The following SYNJ1 variants were observed in gnomAD, a reference collection of about 807,000 sequenced individuals.
SYNJ1 encodes polyphosphatidylinositol phosphatase SYNJ1.
Under a neutral mutation model 168.2 loss-of-function variants are expected in SYNJ1, and 78 were observed. The ratio of observed to expected loss-of-function variants is 0.46; its 90% CI spans 0.39 to 0.56. The LOEUF is 0.56. Ranked by LOEUF, SYNJ1 falls within the 20% of genes least tolerant of loss-of-function variation. The pLI, the probability that SYNJ1 is intolerant of heterozygous loss-of-function variation, is 0.00. For missense variants in SYNJ1, 1,303 were observed against 1,597.6 expected, an observed-to-expected ratio of 0.82 and a Z score of 3.14; for synonymous variants, 539 against 548.6, an observed-to-expected ratio of 0.98 and a Z score of 0.24.
At chr21:32,700,215 T>C in intron 3 of SYNJ1, 110 bp from the exon 4 acceptor site, 1 of 1,259,402 alleles carries the variant, frequency 7.9e-7, no homozygotes, top group African/African-American at 1.5e-5. Context: ...ATTTTAAACT[T>C]ATCATGGATG....
rs370222526 is a variant in SYNJ1, at chr21:32,631,222, C to G, written c.*583G>C. The G allele has an allele frequency of 6.2e-7, 1 of 1,614,230 alleles. No individual in the cohort carries two copies. The highest frequency in any genetic ancestry group is 8.5e-7 in the Non-Finnish European group (1 of 1,180,050). ...TGATTACCCAGTAAGTCTGAACAAG[C>G]TGACTTTGACTTCCCTTTCACACCA... On this transcript the variant is annotated 3_prime_UTR_variant, in exon 33 of 33. Coordinates refer to ENST00000674351, the MANE Select transcript of SYNJ1 (RefSeq NM_203446.3).
At chr21:32,657,405 G>A (rs1053915979) in intron 19 of SYNJ1, among the ~76,000 whole-genome samples, 5 of 152,310 alleles carry the variant, frequency 3.3e-5, no homozygotes, top group Admixed American at 6.5e-5. Flanking sequence ...CAAGAGACAA[G>A]TGGCAGTTCA....
At chr21:32,660,860 C>A (rs1265915267) in intron 18 of SYNJ1, among the ~76,000 whole-genome samples, 1 of 152,180 alleles carries the variant, frequency 6.6e-6, no homozygotes, top group Non-Finnish European at 1.5e-5. Context: ...TTATTAGAGG[C>A]AGTGTGGAAA....
At chr21:32,714,061 T>C (rs1795488352) in intron 2 of SYNJ1, among the ~76,000 whole-genome samples, 1 of 152,224 alleles carries the variant, frequency 6.6e-6, no homozygotes, top group South Asian at 2.1e-4. Flanking sequence ...TCAAGCTGTA[T>C]GTTTAAGATT....
intron 31 of SYNJ1, among the ~76,000 whole-genome samples, chr21:32,636,443 TG>T (rs1173071393): frequency 6.6e-6 from 1 of 152,316 alleles, no homozygotes; most frequent in East Asian, 1.9e-4. Flanking sequence ...TTAAATACCT[TG>T]TAGATTTGGA....
intron 29 of SYNJ1, 58 bp from the exon 30 acceptor site, chr21:32,639,837 T>C (rs2039753892): frequency 1.4e-6 from 2 of 1,438,368 alleles, no homozygotes; most frequent in East Asian, 4.6e-5. Flanking sequence ...GGTAAAATTC[T>C]GTGAAAACAT....
chr21:32,663,479 G>A (rs901053640), intron 18 of SYNJ1, among the ~76,000 whole-genome samples: 2 of 152,218 alleles, frequency 1.3e-5, no homozygotes, highest in African/African-American at 4.8e-5. Context: ...TACTGTATAT[G>A]TGGGCATAGA....
intron 18 of SYNJ1, among the ~76,000 whole-genome samples, chr21:32,659,113 A>C (rs1274437551): frequency 6.6e-6 from 1 of 152,082 alleles, no homozygotes; most frequent in East Asian, 1.9e-4. Flanking sequence ...AAAAAAATTT[A>C]ATAAATTCTT....
At chr21:32,666,175 C>A in intron 16 of SYNJ1, 40 bp from the exon 17 acceptor site, 1 of 1,565,532 alleles carries the variant, frequency 6.4e-7, no homozygotes, top group South Asian at 1.2e-5. Flanking sequence ...TTTGAAATTT[C>A]AAGAGTTCCA....
intron 1 of SYNJ1, among the ~76,000 whole-genome samples, chr21:32,727,128 T>A (rs1212044858): frequency 6.6e-6 from 1 of 152,172 alleles, no homozygotes; most frequent in Non-Finnish European, 1.5e-5. Context: ...TCAATTCTCA[T>A]ACCAAGGCAA....
intron 18 of SYNJ1, among the ~76,000 whole-genome samples, chr21:32,658,188 G>A (rs376041677): frequency 6.6e-5 from 10 of 152,094 alleles, no homozygotes; most frequent in South Asian, 2.1e-4. Context: ...CTGTTTTCTC[G>A]CTCGAATGTT....
At position 32,665,123 on chromosome 21, in the gene SYNJ1, T is replaced by C. The variant is rs373048509; in HGVS notation, c.2146-52A>G. On this transcript the variant is annotated intron_variant, in intron 17 of 32. Transcript: ENST00000674351. ...ATTCAAAACAATCAATGTTCAAAAA[T>C]GTTTTACAACTATTTCTTTGCCTGA... 5 of 1,530,698 alleles carry C rather than the reference T, an allele frequency of 3.3e-6. No individual in the cohort carries two copies. The East Asian group carries it at 1.1e-4, about 35-fold the overall frequency. The allele number at this position is 1,530,698 out of a possible 1,614,324, so 94.8% of individuals were successfully genotyped here. A position where few individuals can be genotyped will look rare whatever the true frequency, so the allele number is the denominator to read the frequency against.
At chr21:32,644,935 G>A (rs2039996343) in intron 26 of SYNJ1, 33 bp downstream of exon 26, 2 of 1,598,966 alleles carry the variant, frequency 1.3e-6, no homozygotes, top group Non-Finnish European at 8.5e-7. Context: ...AATGAACCAC[G>A]ATTCACACAT....
intron 2 of SYNJ1, among the ~76,000 whole-genome samples, chr21:32,713,213 T>C (rs2042893194): frequency 1.4e-5 from 2 of 148,090 alleles, no homozygotes; most frequent in African/African-American, 2.5e-5. Flanking sequence ...TATGTCAACA[T>C]GGATGATTTC....
At chr21:32,657,166 GACAGATCGTGTA>G (rs2040491649) in intron 19 of SYNJ1, 46 bp from the exon 20 acceptor site, 1 of 1,313,700 alleles carries the variant, frequency 7.6e-7, no homozygotes, top group Non-Finnish European at 1.1e-6. Context: ...GTATAAGCAG[GACAGATCGTGTA>G]GAGCAAAGAG....
rs143244716 is a variant in SYNJ1 at position 32,657,738 on chromosome 21, C to T, written c.2439G>A (p.Arg813=). The part of the protein sequence containing the change: ...AWTDRVLWRR[R]KWPFDRSAED... The stretch of plus-strand genomic sequence containing the variant: ...AACCTGATCTATCAAAAGGCCATTT[C>T]CTCCTTCTCCAAAGGACACGGTCTG... The change falls in exon 19 of 33, where the codon AGG becomes AGA. Residue 813 remains arginine, a synonymous_variant. Transcript: ENST00000674351. The T allele has an allele frequency of 1.2e-5, 20 of 1,605,806 alleles. No homozygotes were observed. The African/African-American group carries it at 2.0e-4, about 16-fold the overall frequency.
chr21:32,667,163 T>C (rs2040971651), intron 15 of SYNJ1, among the ~76,000 whole-genome samples: 1 of 151,758 alleles, frequency 6.6e-6, no homozygotes, highest in South Asian at 2.1e-4. Context: ...TAAAAAATAT[T>C]TAATATTTTG....
At chr21:32,711,413 A>ACCTC (rs1219030547) in intron 2 of SYNJ1, among the ~76,000 whole-genome samples, 3 of 151,440 alleles carry the variant, frequency 2.0e-5, no homozygotes, top group South Asian at 2.1e-4. Context: ...GCTCACTGCA[A>ACCTC]CCTCCACCTC....
chr21:32,658,620 A>AC (rs1892376272), intron 18 of SYNJ1: 1 of 152,298 alleles, frequency 6.6e-6, no homozygotes, highest in African/African-American at 2.4e-5. Context: ...CTAAAACAGC[A>AC]CTGTAACACT....
Sources: allele counts gnomAD v4.1 joint callset (sites outside exome capture counted in the v4.1 genomes callset), GRCh38; gene constraint gnomAD v4.1.1; transcripts MANE v1.5; gene names NCBI Gene and HGNC (gene_info 2026-07-23, HGNC 2026-07-21).